The following FAM107A variants were observed in gnomAD, a reference collection of about 807,000 sequenced individuals.
FAM107A encodes family with sequence similarity 107 member A, also known as actin-associated protein FAM107A.
A neutral mutation model predicts 13.7 loss-of-function variants in FAM107A; 19 were observed. That is an observed-to-expected ratio of 1.38 (90% CI 0.97 to 2.03). The LOEUF (loss-of-function observed/expected upper bound fraction) is 2.03. Ranked by LOEUF, FAM107A falls within the 30% of genes most tolerant of loss-of-function variation. FAM107A has a pLI of 0.00. For synonymous variants in FAM107A, 82 were observed against 74.5 expected (o/e 1.10, Z -0.52); for missense variants, 203 against 184.4 (o/e 1.10, Z -0.58).
At chr3:58,608,608 G>A (rs934108543) in intron 1 of FAM107A, among the ~76,000 whole-genome samples, 1 of 152,222 alleles carries the variant, frequency 6.6e-6, no homozygotes, top group Admixed American at 6.5e-5. Context: ...AAGTGGCAGA[G>A]CTGGGATTTG....
chr3:58,567,721 T>C (rs887049727), intron 2 of FAM107A, among the ~76,000 whole-genome samples: 2 of 152,222 alleles, frequency 1.3e-5, no homozygotes, highest in Non-Finnish European at 2.9e-5. Flanking sequence ...CATATATCTA[T>C]CTGTGCCTGA....
At chr3:58,600,780 G>T (rs1181718708) in intron 1 of FAM107A, among the ~76,000 whole-genome samples, 1 of 152,140 alleles carries the variant, frequency 6.6e-6, no homozygotes, top group Non-Finnish European at 1.5e-5. Context: ...CAGATCAGGG[G>T]GAGAAATGCC....
upstream of FAM107A, chr3:58,577,403 C>G: frequency 1.0e-6 from 1 of 985,394 alleles, no homozygotes. This position sits in a 1 kb window ranked among gnomAD's most constrained non-coding sequence, Gnocchi z 4.9. Context: ...AGGGCTGCCT[C>G]TAGAGGGCGG....
rs1168772425 is a variant in FAM107A, at chr3:58,569,821, C to T, written c.40G>A (p.Gly14Ser). The change falls in exon 2 of 4, where the codon GGC becomes AGC. Residue 14 changes from glycine (G) to serine (S), a missense_variant. Transcript: ENST00000360997. The surrounding 1 kb of genome is among the most constrained non-coding windows in gnomAD (Gnocchi z 5.7). ...EIQRERADIG[G>S]LMARPEYREW... The stretch of plus-strand genomic sequence containing the variant: ...CTGTATTCTGGCCGGGCCATCAGGC[C>T]CCCAATGTCTGCCCGCTCCCTCTGG... 9 of 1,614,010 alleles carry T rather than the reference C, an allele frequency of 5.6e-6. No homozygotes were observed. Among genetic ancestry groups the T allele is most frequent in the Non-Finnish European group, 5.9e-6 (7 of 1,180,022 alleles).
At chr3:58,591,186 G>A (rs1357864156), upstream of FAM107A, among the ~76,000 whole-genome samples, 5 of 152,220 alleles carry the variant, frequency 3.3e-5, no homozygotes, top group African/African-American at 1.2e-4. The surrounding 1 kb of genome is among the most constrained non-coding windows in gnomAD (Gnocchi z 4.3). Context: ...GGAGAACAGA[G>A]AGACGCTGGG....
upstream of FAM107A, among the ~76,000 whole-genome samples, chr3:58,579,566 C>T (rs2065505874): frequency 6.6e-6 from 1 of 152,152 alleles, no homozygotes; most frequent in Non-Finnish European, 1.5e-5. Context: ...CTTTGCTGAC[C>T]CTGGTTCCTT....
intron 1 of FAM107A, among the ~76,000 whole-genome samples, chr3:58,585,567 G>T (rs2065597329): frequency 1.3e-5 from 2 of 151,882 alleles, no homozygotes; most frequent in South Asian, 4.1e-4. Flanking sequence ...CTGCAGACGC[G>T]GCAGCTGGTT....
rs138111466 is a variant in FAM107A at position 58,567,348 on chromosome 3, T to G, written c.187A>C (p.Ser63Arg). The G allele has an allele frequency of 9.9e-6, 16 of 1,611,236 alleles. No homozygotes were observed. The highest frequency in any genetic ancestry group is 1.4e-5 in the Non-Finnish European group (16 of 1,179,234). The change falls in exon 3 of 4, where the codon AGC becomes CGC. Residue 63 changes from serine (S) to arginine (R), a missense_variant. By Grantham distance (110) the Ser-to-Arg change is moderately radical. Coordinates refer to ENST00000360997, the MANE Select transcript of FAM107A (RefSeq NM_001076778.3). ...MNHRRGLGVDSKPELQRVLEH... is the reference protein window; with the variant it reads ...MNHRRGLGVDRKPELQRVLEH... The stretch of plus-strand genomic sequence containing the variant: ...AGGACACGCTGCAGCTCTGGCTTGC[T>G]GTCCACACCAAGGCCCCTGGGGTGG...
chr3:58,598,700 A>G (rs779431128), intron 1 of FAM107A, among the ~76,000 whole-genome samples: 29 of 152,142 alleles, frequency 1.9e-4, no homozygotes, highest in Non-Finnish European at 3.5e-4. Context: ...GCCATGCCCC[A>G]ATCTCACCCC....
intron 1 of FAM107A, among the ~76,000 whole-genome samples, chr3:58,598,603 A>G (rs1055422004): frequency 6.6e-6 from 1 of 152,208 alleles, no homozygotes; most frequent in African/African-American, 2.4e-5. Context: ...CACACAAGTA[A>G]TACATAAATC....
intron 1 of FAM107A, among the ~76,000 whole-genome samples, chr3:58,584,823 A>G (rs1441758214): frequency 6.6e-6 from 1 of 152,260 alleles, no homozygotes; most frequent in African/African-American, 2.4e-5. Flanking sequence ...GGAAACCTCT[A>G]GAGGGTATTT....
At chr3:58,627,055 T>C (rs1452010636) in intron 1 of FAM107A, 3 of 1,511,242 alleles carry the variant, frequency 2.0e-6, no homozygotes, top group African/African-American at 1.4e-5. Flanking sequence ...TCCTCCCTGC[T>C]GGCGTTGATC....
upstream of FAM107A, among the ~76,000 whole-genome samples, chr3:58,590,236 G>C (rs910366744): frequency 6.6e-6 from 1 of 152,298 alleles, no homozygotes; most frequent in Middle Eastern, 3.4e-3. Context: ...TGCCTCCCCT[G>C]TCTCCCAGAT....
chr3:58,614,399 CT>C (rs1575456680), intron 1 of FAM107A, among the ~76,000 whole-genome samples: 1 of 152,210 alleles, frequency 6.6e-6, no homozygotes, highest in East Asian at 1.9e-4. Context: ...CTAGAAGACT[CT>C]GCCTGAACCC....
chr3:58,574,837 T>C (rs2063717342), intron 1 of FAM107A, among the ~76,000 whole-genome samples: 1 of 152,128 alleles, frequency 6.6e-6, no homozygotes, highest in African/African-American at 2.4e-5. Context: ...CTCCACAGGA[T>C]GTTGGCCCCA....
At chr3:58,586,733 T>G in intron 1 of FAM107A, 2 of 1,020,316 alleles carry the variant, frequency 2.0e-6, no homozygotes, top group South Asian at 2.0e-5. Flanking sequence ...GACGGAAGGT[T>G]AGGAAAGAAG....
At chr3:58,602,168 C>T (rs2065758162) in intron 1 of FAM107A, among the ~76,000 whole-genome samples, 1 of 152,126 alleles carries the variant, frequency 6.6e-6, no homozygotes, top group South Asian at 2.1e-4. Flanking sequence ...TGGACAAGGG[C>T]AGTTCTCAGC....
At chr3:58,578,978 G>A (rs1285400616), upstream of FAM107A, among the ~76,000 whole-genome samples, 2 of 152,234 alleles carry the variant, frequency 1.3e-5, no homozygotes, top group African/African-American at 2.4e-5. Context: ...GGTACCATGT[G>A]AATGACACAG....
chr3:58,614,612 C>G (rs1334282877), intron 1 of FAM107A, among the ~76,000 whole-genome samples: 1 of 151,214 alleles, frequency 6.6e-6, no homozygotes, highest in Non-Finnish European at 1.5e-5. Context: ...TCAAGCGATT[C>G]TCTTGCCTCA....
Sources: gnomAD v4.1 joint callset for allele counts (sites outside exome capture counted in the v4.1 genomes callset) on GRCh38, gnomAD v4.1.1 for gene constraint, Gnocchi (gnomAD v3.1) non-coding constraint, MANE v1.5 for transcripts, NCBI Gene and HGNC (gene_info 2026-07-23, HGNC 2026-07-21) for gene names.